The following SP4 variants were observed in gnomAD, a reference collection of about 807,000 sequenced individuals.
SP4 encodes transcription factor Sp4.
SP4 carries 19 observed loss-of-function variants against 72.8 expected under a neutral mutation model. That is an observed-to-expected ratio of 0.26 (90% confidence interval 0.18 to 0.38). SP4 has a LOEUF of 0.38. Ranked by LOEUF, SP4 falls within the 10% of genes least tolerant of loss-of-function variation. The probability of loss-of-function intolerance (pLI) is 1.00; values close to 1 mark genes in which losing one functional copy is unlikely to be tolerated. For synonymous variants in SP4, 395 were observed against 333.1 expected, an observed-to-expected ratio of 1.19 and a Z score of -2.02; for missense variants, 1,008 against 926.3, an observed-to-expected ratio of 1.09 and a Z score of -1.14.
At chr7:21,447,468 A>G (rs1471117400) in intron 3 of SP4, among the ~76,000 whole-genome samples, 1 of 152,148 alleles carries the variant, frequency 6.6e-6, no homozygotes, top group African/African-American at 2.4e-5. Flanking sequence ...GGATCTTTGT[A>G]TTTCAGTTTC....
At chr7:21,432,404 A>C (rs998933014) in intron 3 of SP4, among the ~76,000 whole-genome samples, 11 of 152,230 alleles carry the variant, frequency 7.2e-5, no homozygotes, top group African/African-American at 2.7e-4. Context: ...AAGTTACTTC[A>C]CTTCCATTTC....
At chr7:21,457,938 T>C (rs1783820864) in intron 3 of SP4, among the ~76,000 whole-genome samples, 1 of 152,240 alleles carries the variant, frequency 6.6e-6, no homozygotes, top group Non-Finnish European at 1.5e-5. Context: ...TAAAATGTAC[T>C]AATTTTAGAA....
At chr7:21,497,751 A>G (rs1781758562) in intron 5 of SP4, among the ~76,000 whole-genome samples, 1 of 152,246 alleles carries the variant, frequency 6.6e-6, no homozygotes, top group African/African-American at 2.4e-5. Flanking sequence ...TCATCTATTT[A>G]TAGATGATAG....
chr7:21,487,645 T>C (rs1474389167), intron 5 of SP4, among the ~76,000 whole-genome samples: 2 of 152,038 alleles, frequency 1.3e-5, no homozygotes, highest in African/African-American at 4.8e-5. Flanking sequence ...TAATCTAGAA[T>C]TTTATGTTTC....
intron 5 of SP4, among the ~76,000 whole-genome samples, chr7:21,508,643 GTTTT>G (rs1782069255): frequency 6.6e-6 from 1 of 151,830 alleles, no homozygotes. Flanking sequence ...CAGTTTGTTT[GTTTT>G]TTTAAGTAGG....
At chr7:21,433,755 A>G (rs1782948841) in intron 3 of SP4, among the ~76,000 whole-genome samples, 3 of 152,284 alleles carry the variant, frequency 2.0e-5, no homozygotes, top group Admixed American at 2.0e-4. Flanking sequence ...AGCCTGACCA[A>G]CATGGAGAAA....
Position 21,514,478 on chromosome 7 carries a change from A to G in SP4, c.*3209A>G, listed in dbSNP as rs1188214147. 2.0e-5 allele frequency: 3 copies of G among 152,280 alleles called. No homozygotes were observed. The highest frequency in any genetic ancestry group is 2.9e-5 in the Non-Finnish European group (2 of 67,978). The allele number at this position is 152,280 out of a possible 1,614,324, so 9.4% of individuals were successfully genotyped here. On this transcript the variant is annotated 3_prime_UTR_variant, in exon 6 of 6. Coordinates refer to ENST00000222584, the MANE Select transcript of SP4 (RefSeq NM_003112.5). ...GATGGTAAAATGTAAATGTTTTGCAAAAATTCCTTATAAAAAGTTTTGTAG... is the reference window on the plus strand; with the variant it reads ...GATGGTAAAATGTAAATGTTTTGCAGAAATTCCTTATAAAAAGTTTTGTAG...
At chr7:21,462,380 AAAG>A (rs1380074236) in intron 3 of SP4, among the ~76,000 whole-genome samples, 1 of 152,214 alleles carries the variant, frequency 6.6e-6, no homozygotes, top group Non-Finnish European at 1.5e-5. Flanking sequence ...TAAAAATAAA[AAAG>A]AATTTGATGT....
intron 2 of SP4, 178 bp downstream of exon 2, chr7:21,428,970 C>A: frequency 1.6e-6 from 1 of 613,322 alleles, no homozygotes; most frequent in Non-Finnish European, 2.9e-6. Context: ...GGGTATAACG[C>A]TGTTTAAAAT....
chr7:21,429,545 C>G lies in SP4; in HGVS notation c.380C>G (p.Ser127Cys), dbSNP rs1165443686. The G allele has an allele frequency of 8.7e-6, 14 of 1,614,114 alleles. No individual in the cohort carries two copies. The highest frequency in any genetic ancestry group is 1.2e-5 in the Non-Finnish European group (14 of 1,179,942). Reference sequence around the variant, plus strand: ...CAACCAGCCTCTAGTTCGTCTAGTTCTTCCAGCAGTAATAACGGGAGTGCA... The same window carrying G: ...CAACCAGCCTCTAGTTCGTCTAGTTGTTCCAGCAGTAATAACGGGAGTGCA... ...VSQPASSSSSSSSSNNGSASP... is the reference protein window; with the variant it reads ...VSQPASSSSSCSSSNNGSASP... The change falls in exon 3 of 6, where the codon TCT becomes TGT. Residue 127 changes from serine to cysteine, a missense_variant. Around this residue, in one of 3 missense-constraint regions of SP4, gnomAD observed 893 missense variants for 743.3 expected, o/e 1.20. Transcript: ENST00000222584.
intron 5 of SP4, among the ~76,000 whole-genome samples, chr7:21,498,616 A>T (rs1191002583): frequency 6.6e-6 from 1 of 152,202 alleles, no homozygotes; most frequent in Non-Finnish European, 1.5e-5. Context: ...AACAACACAG[A>T]GGTGAGGCAA....
intron 3 of SP4, among the ~76,000 whole-genome samples, chr7:21,439,411 A>G (rs1783159591): frequency 1.3e-5 from 2 of 152,238 alleles, no homozygotes; most frequent in Middle Eastern, 3.4e-3. Flanking sequence ...TATAGTGGCG[A>G]AGGCAGGGCT....
rs1782200761 is a variant in SP4, at chr7:21,513,631, C to T, written c.*2362C>T. 6.6e-6 allele frequency: 1 copy of T among 152,410 alleles called. No homozygotes were observed. The highest frequency in any genetic ancestry group is 1.5e-5 in the Non-Finnish European group (1 of 68,004). 9.4% of individuals were successfully genotyped at this position (152,410 alleles called of 1,614,324 possible). Reference sequence around the variant, plus strand: ...TCTTAATGTTTTAATCATGTTTCCTCAGAGTGACACTTTTTGTTGTTGTTA... The same window carrying T: ...TCTTAATGTTTTAATCATGTTTCCTTAGAGTGACACTTTTTGTTGTTGTTA... On this transcript the variant is annotated 3_prime_UTR_variant, in exon 6 of 6. Coordinates refer to ENST00000222584, the MANE Select transcript of SP4 (RefSeq NM_003112.5).
intron 5 of SP4, among the ~76,000 whole-genome samples, chr7:21,496,538 G>A (rs1373184661): frequency 6.6e-6 from 1 of 152,194 alleles, no homozygotes; most frequent in Admixed American, 6.5e-5. Flanking sequence ...GGCTCTAAAT[G>A]TAGTTACTCT....
intron 3 of SP4, among the ~76,000 whole-genome samples, chr7:21,431,093 G>C (rs977285826): frequency 5.3e-5 from 8 of 152,180 alleles, no homozygotes; most frequent in African/African-American, 1.4e-4. Context: ...ATGGGACAGA[G>C]CTTTCTGATT....
chr7:21,451,170 G>C (rs1284756790), intron 3 of SP4, among the ~76,000 whole-genome samples: 1 of 152,154 alleles, frequency 6.6e-6, no homozygotes, highest in Non-Finnish European at 1.5e-5. Context: ...TACCAGTCTA[G>C]TGCTCATATA....
chr7:21,438,444 A>T (rs1387923252), intron 3 of SP4, among the ~76,000 whole-genome samples: 3 of 152,152 alleles, frequency 2.0e-5, no homozygotes, highest in Non-Finnish European at 4.4e-5. Context: ...TAAGCAATAA[A>T]TGTAGCACTG....
chr7:21,500,432 A>G (rs917779309), intron 5 of SP4, among the ~76,000 whole-genome samples: 4 of 152,218 alleles, frequency 2.6e-5, no homozygotes, highest in African/African-American at 9.7e-5. Flanking sequence ...TCTCTAGGTC[A>G]GGAGTTCAAG....
intron 5 of SP4, among the ~76,000 whole-genome samples, chr7:21,488,242 A>T (rs1562620947): frequency 6.6e-6 from 1 of 152,320 alleles, no homozygotes; most frequent in East Asian, 1.9e-4. Context: ...AAAATACAAT[A>T]ATATGCTGTG....
Sources: gnomAD v4.1 joint callset for allele counts (sites outside exome capture counted in the v4.1 genomes callset) on GRCh38, gnomAD v4.1.1 for gene constraint, gnomAD v4.1.1 regional missense constraint, MANE v1.5 for transcripts, NCBI Gene and HGNC (gene_info 2026-07-23, HGNC 2026-07-21) for gene names.